Variants in DCUN1D2 observed in about 807,000 individuals in gnomAD.
DCUN1D2 encodes the protein defective in cullin neddylation 1 domain containing 2.
In DCUN1D2, 29 loss-of-function variants were observed where a neutral mutation model predicts 30.9. That is an observed-to-expected ratio of 0.94 (90% CI 0.70 to 1.28). The LOEUF (loss-of-function observed/expected upper bound fraction) is 1.28, where lower values mean the gene tolerates loss of function less well. Ranked by LOEUF, DCUN1D2 falls within the 50% of genes most tolerant of loss-of-function variation. The pLI is 0.00. For synonymous variants in DCUN1D2, 121 were observed against 115.3 expected (o/e 1.05, Z -0.32); for missense variants, 325 against 316.9 (o/e 1.03, Z -0.19).
Position 113,488,265 on chromosome 13 carries a change from C to T in DCUN1D2, c.3+2402G>A, listed in dbSNP as rs146200282. On this transcript the variant is annotated intron_variant, in intron 1 of 6. Coordinates refer to ENST00000478244, the MANE Select transcript of DCUN1D2 (RefSeq NM_001014283.2). This position sits in a 1 kb window ranked among gnomAD's most constrained non-coding sequence, Gnocchi z 4.3. ...ATACTCCAGTAAACCCTGAACCACA[C>T]GGTGGTGCCAAGGCACTGGTTCTGA... Among the ~76,000 whole-genome samples, 230 of 152,350 alleles carry T rather than the reference C, an allele frequency of 1.5e-3. 1 individual carries two copies. The highest frequency in any genetic ancestry group is 5.1e-3 in the African/African-American group (212 of 41,582).
intron 4 of DCUN1D2, among the ~76,000 whole-genome samples, chr13:113,464,131 A>C (rs1365081759): frequency 7.2e-5 from 11 of 152,220 alleles, no homozygotes; most frequent in Admixed American, 3.3e-4. Context: ...TTTCCCGAGG[A>C]GGCTATTGTT....
At chr13:113,465,524 T>C (rs1224680359) in intron 4 of DCUN1D2, among the ~76,000 whole-genome samples, 4 of 148,870 alleles carry the variant, frequency 2.7e-5, no homozygotes, top group Admixed American at 6.7e-5. Flanking sequence ...AAACAAACCC[T>C]GCATGAGATG....
At position 113,472,964 on chromosome 13, in the gene DCUN1D2, C is replaced by T. The variant is rs117832954; in HGVS notation, c.520+1160G>A. Among the ~76,000 whole-genome samples, 102 of 151,282 alleles carry T rather than the reference C, an allele frequency of 6.7e-4. 3 individuals carry two copies. In the East Asian group the frequency reaches 0.017, roughly 25 times the overall value. ...CCGTGTCCCCCTGCGCCTCTGCTCC[C>T]GTACCTCTGTCCTTCTGTCCCCCCG... On this transcript the variant is annotated intron_variant, in intron 4 of 6. Coordinates refer to ENST00000478244, the MANE Select transcript of DCUN1D2 (RefSeq NM_001014283.2).
upstream of DCUN1D2, chr13:113,490,821 C>T (rs1306976947): frequency 5.3e-5 from 34 of 644,488 alleles, no homozygotes; most frequent in Non-Finnish European, 6.8e-5. This position sits in a 1 kb window ranked among gnomAD's most constrained non-coding sequence, Gnocchi z 5.2. Context: ...TGCTCAGCGC[C>T]GCCCGGGGGC....
chr13:113,456,477 C>G lies in DCUN1D2; in HGVS notation c.*1552G>C, dbSNP rs1008734945. On this transcript the variant is annotated 3_prime_UTR_variant, in exon 7 of 7. Coordinates refer to ENST00000478244, the MANE Select transcript of DCUN1D2 (RefSeq NM_001014283.2). Reference sequence around the variant, plus strand: ...TGGGCCATGCTCTCTCACACCGCAGCTAGGTCATCTGCGGCGACTCTCCTC... The same window carrying G: ...TGGGCCATGCTCTCTCACACCGCAGGTAGGTCATCTGCGGCGACTCTCCTC... 2.5e-6 allele frequency: 1 copy of G among 398,240 alleles called. No homozygotes were observed. Among genetic ancestry groups the G allele is most frequent in the African/African-American group, 2.1e-5 (1 of 48,648 alleles). 24.7% of individuals were successfully genotyped at this position (398,240 alleles called of 1,614,324 possible).
In DCUN1D2 at chr13:113,456,628, T is replaced by G; in HGVS notation, c.*1401A>C. On this transcript the variant is annotated 3_prime_UTR_variant, in exon 7 of 7. Transcript: ENST00000478244. ...GTCAACAGTGATGTCCACAACTCAA[T>G]ACCAGCCCTCCACACCTCGGCAGCA... The G allele has an allele frequency of 1.4e-5, 5 of 349,288 alleles. No homozygotes were observed. Among genetic ancestry groups the G allele is most frequent in the East Asian group, 4.3e-5 (1 of 23,242 alleles). The allele number at this position is 349,288 out of a possible 1,614,324, so 21.6% of individuals were successfully genotyped here.
intron 4 of DCUN1D2, among the ~76,000 whole-genome samples, chr13:113,467,970 G>C (rs938480537): frequency 6.6e-6 from 1 of 151,312 alleles, no homozygotes; most frequent in Non-Finnish European, 1.5e-5. Flanking sequence ...CTTGAACCTG[G>C]GAGGCAGAGG....
Position 113,483,946 on chromosome 13 carries a change from G to C in DCUN1D2, c.114C>G (p.Asp38Glu), listed in dbSNP as rs1465648101. 4 of 1,614,158 alleles carry C rather than the reference G, an allele frequency of 2.5e-6. No homozygotes were observed. In the South Asian group the frequency reaches 3.3e-5, roughly 13 times the overall value. ...TTTGGAAGAAGCTGTCCGTGGCCTC[G>C]TCTAGTCTCCACTCATTCTGCGTTA... Reference protein sequence around the residue: ...YCLTQNEWRLDEATDSFFQNP... With the variant: ...YCLTQNEWRLEEATDSFFQNP... The change falls in exon 2 of 7, where the codon GAC becomes GAG. Residue 38 changes from aspartate (D) to glutamate (E), a missense_variant. Physicochemically the swap from Asp to Glu is conservative, Grantham distance 45. Coordinates refer to ENST00000478244, the MANE Select transcript of DCUN1D2 (RefSeq NM_001014283.2).
intron 1 of DCUN1D2, among the ~76,000 whole-genome samples, chr13:113,486,964 G>C (rs1417334179): frequency 6.6e-6 from 1 of 152,224 alleles, no homozygotes; most frequent in East Asian, 1.9e-4. Flanking sequence ...CCTGTGGGCT[G>C]TAGTTTGCCG....
At chr13:113,484,556 C>T (rs1460290737) in intron 1 of DCUN1D2, among the ~76,000 whole-genome samples, 2 of 151,798 alleles carry the variant, frequency 1.3e-5, no homozygotes, top group Non-Finnish European at 2.9e-5. Context: ...CTAAGAATAG[C>T]GTTAAAAGTA....
Position 113,456,130 on chromosome 13 carries a change from AT to A in DCUN1D2, c.*1898del. 7.5e-6 allele frequency: 3 copies of A among 398,518 alleles called. No individual in the cohort carries two copies. The highest frequency in any genetic ancestry group is 1.3e-5 in the Non-Finnish European group (3 of 226,062). The allele number at this position is 398,518 out of a possible 1,614,324, so 24.7% of individuals were successfully genotyped here. A position where few individuals can be genotyped will look rare whatever the true frequency, so the allele number is the denominator to read the frequency against. ...GAGGTTTGTATTAATGCCAGTTTTT[AT>A]TGTATTAGACAAATGCTCTCTGAGA... On this transcript the variant is annotated 3_prime_UTR_variant, in exon 7 of 7. Coordinates refer to ENST00000478244, the MANE Select transcript of DCUN1D2 (RefSeq NM_001014283.2).
intron 2 of DCUN1D2, among the ~76,000 whole-genome samples, chr13:113,481,196 A>C (rs940025521): frequency 6.6e-6 from 1 of 152,188 alleles, no homozygotes; most frequent in African/African-American, 2.4e-5. Flanking sequence ...AAGTGATTTC[A>C]TTTGCTAATT....
intron 2 of DCUN1D2, 48 bp downstream of exon 2, chr13:113,483,792 G>T (rs41288602): frequency 1.3e-6 from 2 of 1,579,732 alleles, no homozygotes; most frequent in Non-Finnish European, 1.7e-6. Context: ...CGCGCAGGCC[G>T]CTCGCGGAGG....
Position 113,457,885 on chromosome 13 carries a change from T to G in DCUN1D2, c.*144A>C, listed in dbSNP as rs1394575651. 1.3e-6 allele frequency: 1 copy of G among 775,106 alleles called. No individual in the cohort carries two copies. The highest frequency in any genetic ancestry group is 1.7e-5 in the African/African-American group (1 of 58,260). The allele number at this position is 775,106 out of a possible 1,614,324, so 48.0% of individuals were successfully genotyped here. Reference sequence around the variant, plus strand: ...TCCACAAAGCAGCCGCTGGCTGTCCTCCGGCAGAATGGGATGGCGCCTCTG... The same window carrying G: ...TCCACAAAGCAGCCGCTGGCTGTCCGCCGGCAGAATGGGATGGCGCCTCTG... On this transcript the variant is annotated 3_prime_UTR_variant, in exon 7 of 7. Coordinates refer to ENST00000478244, the MANE Select transcript of DCUN1D2 (RefSeq NM_001014283.2).
intron 6 of DCUN1D2, 22 bp downstream of exon 6, chr13:113,459,290 T>A (rs763090528): frequency 7.4e-7 from 1 of 1,352,718 alleles, no homozygotes; most frequent in South Asian, 1.2e-5. Flanking sequence ...CGGTCAATCA[T>A]CTGAAGCACA....
In DCUN1D2 at chr13:113,457,356, C is replaced by G. The variant is rs915817007; in HGVS notation, c.*673G>C. The G allele has an allele frequency of 1.3e-5, 2 of 152,122 alleles. No individual in the cohort carries two copies. Among genetic ancestry groups the G allele is most frequent in the African/African-American group, 4.8e-5 (2 of 41,404 alleles). The allele number at this position is 152,122 out of a possible 1,614,324, so 9.4% of individuals were successfully genotyped here. A position where few individuals can be genotyped will look rare whatever the true frequency, so the allele number is the denominator to read the frequency against. ...TGATATATAAACGGTGTGAGATAAA[C>G]TCTGCTGGAATCGTGCCACGTGTGC... On this transcript the variant is annotated 3_prime_UTR_variant, in exon 7 of 7. Coordinates refer to ENST00000478244, the MANE Select transcript of DCUN1D2 (RefSeq NM_001014283.2).
intron 1 of DCUN1D2, among the ~76,000 whole-genome samples, chr13:113,487,362 T>C (rs1321877680): frequency 6.6e-6 from 1 of 152,212 alleles, no homozygotes; most frequent in Non-Finnish European, 1.5e-5. Flanking sequence ...ACTATATCCA[T>C]ATAACGGAAC....
rs2044938147 is a variant in DCUN1D2, at chr13:113,490,500, C to A, written c.3+167G>T. 1 of 736,570 alleles carries A rather than the reference C, an allele frequency of 1.4e-6. No homozygotes were observed. The highest frequency in any genetic ancestry group is 1.9e-6 in the Non-Finnish European group (1 of 538,418). 45.6% of individuals were successfully genotyped at this position (736,570 alleles called of 1,614,324 possible). On this transcript the variant is annotated intron_variant, in intron 1 of 6. Coordinates refer to ENST00000478244, the MANE Select transcript of DCUN1D2 (RefSeq NM_001014283.2). The surrounding 1 kb of genome is among the most constrained non-coding windows in gnomAD (Gnocchi z 5.2). ...CGCGGTCCCGCGCCTCCGACGCCAC[C>A]GCTCCGGCTCGCGGGCCCGCGGCGC...
intron 4 of DCUN1D2, among the ~76,000 whole-genome samples, chr13:113,468,043 TAAA>T (rs59075073): frequency 5.1e-5 from 5 of 97,202 alleles, no homozygotes; most frequent in African/African-American, 8.0e-5. Flanking sequence ...GGATCCATCT[TAAA>T]AAAAAAAAAA....
Sources: allele counts gnomAD v4.1 joint callset (sites outside exome capture counted in the v4.1 genomes callset), GRCh38; gene constraint gnomAD v4.1.1; non-coding constraint Gnocchi (gnomAD v3.1); transcripts MANE v1.5; gene names NCBI Gene and HGNC (gene_info 2026-07-23, HGNC 2026-07-21).